Variants in MYT1L observed in about 807,000 individuals in gnomAD.
MYT1L encodes myelin transcription factor 1 like, also known as myelin transcription factor 1-like protein.
Under a neutral mutation model 126.7 loss-of-function variants are expected in MYT1L, and 12 were observed. The observed-to-expected ratio is 0.09, with a 90% confidence interval of 0.06 to 0.15. The LOEUF (loss-of-function observed/expected upper bound fraction) is 0.15, where lower values mean the gene tolerates loss of function less well. MYT1L is among the 10% of genes least tolerant of loss of function. The probability of loss-of-function intolerance (pLI) is 1.00; values close to 1 mark genes in which losing one functional copy is unlikely to be tolerated. For synonymous variants in MYT1L, 541 were observed against 604.2 expected (o/e 0.90, Z 1.53); for missense variants, 979 against 1,585.2 (o/e 0.62, Z 6.49).
chr2:1,874,185 ACG>A (rs1473460918), intron 18 of MYT1L, among the ~76,000 whole-genome samples: 10 of 128,470 alleles, frequency 7.8e-5, no homozygotes, highest in African/African-American at 4.0e-4. Context: ...AAAACAGGAA[ACG>A]CTCTTTTTTT....
At chr2:1,894,236 C>T (rs2148893245) in intron 14 of MYT1L, among the ~76,000 whole-genome samples, 1 of 152,296 alleles carries the variant, frequency 6.6e-6, no homozygotes, top group South Asian at 2.1e-4. Context: ...TTGGGATGCC[C>T]CTCCTCTAGG....
At chr2:2,250,614 A>G (rs1164814057) in intron 2 of MYT1L, among the ~76,000 whole-genome samples, 2 of 151,888 alleles carry the variant, frequency 1.3e-5, no homozygotes, top group Non-Finnish European at 2.9e-5. Context: ...CACAACAAAG[A>G]GACTATAGTC....
chr2:1,941,113 A>G (rs1267467586), intron 9 of MYT1L, among the ~76,000 whole-genome samples: 1 of 152,256 alleles, frequency 6.6e-6, no homozygotes, highest in Non-Finnish European at 1.5e-5. Flanking sequence ...GCTTCTGACT[A>G]CCTTTCAAAG....
At chr2:2,217,274 A>T (rs1319103884) in intron 2 of MYT1L, among the ~76,000 whole-genome samples, 2 of 152,366 alleles carry the variant, frequency 1.3e-5, no homozygotes, top group South Asian at 2.1e-4. Flanking sequence ...AAATTTTAAC[A>T]GTGAATCCAA....
chr2:2,167,371 C>T (rs926168165), intron 3 of MYT1L, among the ~76,000 whole-genome samples: 1 of 152,164 alleles, frequency 6.6e-6, no homozygotes, highest in Admixed American at 6.5e-5. Context: ...GCCCACCACA[C>T]ACACCTTCAC....
intron 3 of MYT1L, among the ~76,000 whole-genome samples, chr2:2,169,104 A>T (rs1355931979): frequency 6.6e-6 from 1 of 152,226 alleles, no homozygotes; most frequent in Non-Finnish European, 1.5e-5. Context: ...GGGAAACTGA[A>T]ACTCAGGTTC....
At chr2:2,131,862 C>T (rs1315375793) in intron 3 of MYT1L, among the ~76,000 whole-genome samples, 1 of 149,330 alleles carries the variant, frequency 6.7e-6, no homozygotes, top group Non-Finnish European at 1.5e-5. Context: ...GCAGGAGGTA[C>T]ATGGTCTCTA....
chr2:2,113,408 C>G (rs562907939), intron 3 of MYT1L, among the ~76,000 whole-genome samples: 3 of 152,184 alleles, frequency 2.0e-5, no homozygotes, highest in Non-Finnish European at 4.4e-5. Flanking sequence ...GCACGCGCTC[C>G]GTCCAACAGC....
chr2:1,860,339 G>A (rs1177587685), intron 18 of MYT1L, among the ~76,000 whole-genome samples: 3 of 152,172 alleles, frequency 2.0e-5, no homozygotes, highest in African/African-American at 7.2e-5. Flanking sequence ...GGTGACTGGT[G>A]CAGCTGACGC....
rs148062614 is a variant in MYT1L at position 1,929,864 on chromosome 2, G to T, written c.506-6601C>A. On this transcript the variant is annotated intron_variant, in intron 9 of 24. Coordinates refer to ENST00000647738, the MANE Select transcript of MYT1L (RefSeq NM_001303052.2). This position sits in a 1 kb window ranked among gnomAD's most constrained non-coding sequence, Gnocchi z 4.7. ...CTTCCACAGGGACGAGTCTAGAATT[G>T]CCATCTTGGTTTTGCTACATCTCAA... Among the ~76,000 whole-genome samples, 1 of 152,196 alleles carries T rather than the reference G, an allele frequency of 6.6e-6. No homozygotes were observed. The highest frequency in any genetic ancestry group is 1.5e-5 in the Non-Finnish European group (1 of 68,044).
At chr2:2,143,459 A>G (rs1332134737) in intron 3 of MYT1L, among the ~76,000 whole-genome samples, 1 of 152,090 alleles carries the variant, frequency 6.6e-6, no homozygotes, top group African/African-American at 2.4e-5. Flanking sequence ...CTGCAATTCT[A>G]TTGGTCAGGG....
At chr2:2,058,938 G>T (rs2069997073) in intron 3 of MYT1L, among the ~76,000 whole-genome samples, 1 of 152,134 alleles carries the variant, frequency 6.6e-6, no homozygotes, top group African/African-American at 2.4e-5. Context: ...TAAAGAAAGT[G>T]TTCATTCATA....
At chr2:1,896,584 G>A (rs2049603657) in intron 14 of MYT1L, among the ~76,000 whole-genome samples, 1 of 152,182 alleles carries the variant, frequency 6.6e-6, no homozygotes, top group African/African-American at 2.4e-5. Flanking sequence ...ATGAATTAAT[G>A]CAGGGACAGA....
rs1193895205 is a variant in MYT1L at position 2,282,256 on chromosome 2, C to T, written c.-421+2148G>A. ...TATTGCACGTAGTAGGCACTTCATA[C>T]ATTGATTTAATATATGAACAAAAGA... is the stretch of plus-strand genomic sequence containing the variant. On this transcript the variant is annotated intron_variant, in intron 2 of 24. Transcript: ENST00000647738. 2.6e-5 allele frequency among the ~76,000 whole-genome samples: 4 copies of T among 152,192 alleles called. No individual in the cohort carries two copies. The East Asian group carries it at 5.8e-4, about 22-fold the overall frequency.
At chr2:2,036,516 C>A (rs1048631524) in intron 4 of MYT1L, among the ~76,000 whole-genome samples, 1 of 152,252 alleles carries the variant, frequency 6.6e-6, no homozygotes, top group Admixed American at 6.5e-5. Context: ...TCTCCACTCT[C>A]TGATGTCTTC....
chr2:1,919,477 T>G (rs1294353623), intron 10 of MYT1L, among the ~76,000 whole-genome samples: 1 of 152,196 alleles, frequency 6.6e-6, no homozygotes, highest in Non-Finnish European at 1.5e-5. Context: ...GGCAATTGGG[T>G]AGATGACAGA....
chr2:1,983,817 T>G (rs1438669591), intron 5 of MYT1L, among the ~76,000 whole-genome samples: 1 of 152,226 alleles, frequency 6.6e-6, no homozygotes, highest in Non-Finnish European at 1.5e-5. Flanking sequence ...TCAGCTCTGA[T>G]CTTCCTTGGA....
At chr2:1,831,696 A>G (rs1013096196) in intron 21 of MYT1L, among the ~76,000 whole-genome samples, 3 of 152,052 alleles carry the variant, frequency 2.0e-5, no homozygotes, top group African/African-American at 7.2e-5. Context: ...CTTTCCCAGT[A>G]TTGTGTGTGT....
At chr2:2,210,487 C>G (rs1572489193) in intron 2 of MYT1L, among the ~76,000 whole-genome samples, 2 of 152,170 alleles carry the variant, frequency 1.3e-5, no homozygotes, top group East Asian at 3.9e-4. Flanking sequence ...AAGAGACTGT[C>G]TTTTCCCAGT....
Sources: allele counts gnomAD v4.1 joint callset (sites outside exome capture counted in the v4.1 genomes callset), GRCh38; gene constraint gnomAD v4.1.1; non-coding constraint Gnocchi (gnomAD v3.1); transcripts MANE v1.5; gene names NCBI Gene and HGNC (gene_info 2026-07-23, HGNC 2026-07-21).